The following EXOC6 variants were observed in gnomAD, a reference collection of about 807,000 sequenced individuals.
EXOC6 encodes the protein exocyst complex component 6.
A neutral mutation model predicts 112.5 loss-of-function variants in EXOC6; 60 were observed. The observed-to-expected ratio is 0.53, with a 90% CI of 0.43 to 0.66. The LOEUF (loss-of-function observed/expected upper bound fraction) is 0.66. Ranked by LOEUF, EXOC6 falls within the 30% of genes least tolerant of loss-of-function variation. The probability of loss-of-function intolerance (pLI) is 0.00; values close to 1 mark genes in which losing one functional copy is unlikely to be tolerated. For missense variants in EXOC6, 855 were observed against 957.1 expected (o/e 0.89, Z 1.41); for synonymous variants, 295 against 308.0 (o/e 0.96, Z 0.44).
intron 6 of EXOC6, among the ~76,000 whole-genome samples, chr10:92,914,993 T>C (rs752109301): frequency 5.9e-5 from 9 of 152,274 alleles, no homozygotes; most frequent in Non-Finnish European, 1.3e-4. Flanking sequence ...CTTTTTATTC[T>C]GTGTAAATGT....
intron 18 of EXOC6, among the ~76,000 whole-genome samples, chr10:92,974,986 A>AC (rs777568974): frequency 1.5e-4 from 22 of 151,072 alleles, no homozygotes; most frequent in Non-Finnish European, 2.8e-4. Flanking sequence ...CCCGGCCGCC[A>AC]CCCCGTCTGG....
At chr10:92,862,737 C>T (rs1031047332) in intron 1 of EXOC6, among the ~76,000 whole-genome samples, 32 of 152,162 alleles carry the variant, frequency 2.1e-4, no homozygotes, top group Admixed American at 6.5e-5. Flanking sequence ...GAATAATTCT[C>T]ATTATATAGA....
At chr10:92,996,394 G>C (rs1322137784) in intron 18 of EXOC6, among the ~76,000 whole-genome samples, 2 of 152,118 alleles carry the variant, frequency 1.3e-5, no homozygotes, top group Admixed American at 6.5e-5. Context: ...GCCAAGGCGG[G>C]CGGATCACAA....
In EXOC6 at chr10:92,978,080, C is replaced by A. The variant is rs139695255; in HGVS notation, c.1953+3848C>A. Reference sequence around the variant, plus strand: ...ATTCAACAATAAATACAAGGTACAACCATATAAAAAGAAAATAATAGTTTA... The same window carrying A: ...ATTCAACAATAAATACAAGGTACAAACATATAAAAAGAAAATAATAGTTTA... On this transcript the variant is annotated intron_variant, in intron 18 of 21. Coordinates refer to ENST00000260762, the MANE Select transcript of EXOC6 (RefSeq NM_019053.6). Among the ~76,000 whole-genome samples, 552 of 152,006 alleles carry A rather than the reference C, an allele frequency of 3.6e-3. 3 individuals are homozygous for A. The highest frequency in any genetic ancestry group is 0.013 in the African/African-American group (525 of 41,466).
At position 93,058,375 on chromosome 10, in the gene EXOC6, C is replaced by G. The variant is rs771801413; in HGVS notation, c.*20C>G. Reference sequence around the variant, plus strand: ...ATGTAGACCTCACATGGCTTGCACTCAGTGACACCAAATCCATGATTCAAT... The same window carrying G: ...ATGTAGACCTCACATGGCTTGCACTGAGTGACACCAAATCCATGATTCAAT... On this transcript the variant is annotated 3_prime_UTR_variant, in exon 22 of 22. Coordinates refer to ENST00000260762, the MANE Select transcript of EXOC6 (RefSeq NM_019053.6). 3 of 1,568,064 alleles carry G rather than the reference C, an allele frequency of 1.9e-6. No homozygotes were observed. The East Asian group carries it at 7.0e-5, about 36-fold the overall frequency.
At chr10:92,859,180 C>T (rs571990192) in intron 1 of EXOC6, among the ~76,000 whole-genome samples, 1 of 152,232 alleles carries the variant, frequency 6.6e-6, no homozygotes, top group Admixed American at 6.5e-5. Flanking sequence ...TAGCAACTCT[C>T]GATGCTGATT....
chr10:92,911,623 A>G (rs1052261159), intron 6 of EXOC6, among the ~76,000 whole-genome samples: 1 of 152,168 alleles, frequency 6.6e-6, no homozygotes, highest in East Asian at 1.9e-4. Context: ...GGGAGAGAAT[A>G]GACTCTCTTG....
rs114650509 is a variant in EXOC6, at chr10:93,017,265, G to A, written c.2169+2998G>A. Among the ~76,000 whole-genome samples the A allele has an allele frequency of 8.9e-3, 1,355 of 152,178 alleles. 18 individuals carry two copies. The highest frequency in any genetic ancestry group is 0.031 in the African/African-American group (1,296 of 41,524). On this transcript the variant is annotated intron_variant, in intron 20 of 21. Transcript: ENST00000260762. Reference sequence around the variant, plus strand: ...TAATGGACTCCAGAGACTCAAAAGGGGGAGGGTGGGAGAAGGGATGAGAGA... The same window carrying A: ...TAATGGACTCCAGAGACTCAAAAGGAGGAGGGTGGGAGAAGGGATGAGAGA...
At chr10:93,049,600 A>G (rs1846183975) in intron 20 of EXOC6, among the ~76,000 whole-genome samples, 1 of 152,108 alleles carries the variant, frequency 6.6e-6, no homozygotes, top group South Asian at 2.1e-4. Flanking sequence ...GTTTTGTTTT[A>G]AATAGAGGCA....
intron 1 of EXOC6, among the ~76,000 whole-genome samples, chr10:92,882,786 A>G (rs1013061796): frequency 6.6e-6 from 1 of 152,086 alleles, no homozygotes; most frequent in Non-Finnish European, 1.5e-5. Context: ...CTCACTTCAG[A>G]CTCTAACTTC....
intron 1 of EXOC6, among the ~76,000 whole-genome samples, chr10:92,872,687 C>T (rs1488949515): frequency 6.6e-6 from 1 of 151,972 alleles, no homozygotes; most frequent in Non-Finnish European, 1.5e-5. Flanking sequence ...AATGTTACAT[C>T]TTTATTTTGA....
At chr10:93,053,876 A>C (rs947130786) in intron 20 of EXOC6, among the ~76,000 whole-genome samples, 2 of 152,232 alleles carry the variant, frequency 1.3e-5, no homozygotes, top group Non-Finnish European at 2.9e-5. Context: ...TGAAAATGAT[A>C]AATGAGAATA....
At chr10:93,055,131 C>T (rs1011285418) in intron 20 of EXOC6, among the ~76,000 whole-genome samples, 1 of 152,158 alleles carries the variant, frequency 6.6e-6, no homozygotes, top group African/African-American at 2.4e-5. Flanking sequence ...GAACACACCA[C>T]CATGCCCAGC....
At chr10:92,869,427 G>C (rs1848334039) in intron 1 of EXOC6, among the ~76,000 whole-genome samples, 1 of 152,048 alleles carries the variant, frequency 6.6e-6, no homozygotes. Flanking sequence ...TCTCATTTCA[G>C]CCTCCTGAGT....
chr10:92,827,580 G>T (rs747777136), intron 1 of EXOC6, among the ~76,000 whole-genome samples: 1 of 147,478 alleles, frequency 6.8e-6, no homozygotes, highest in Non-Finnish European at 1.5e-5. Flanking sequence ...CTGTCTTTCA[G>T]CTTACACTAT....
intron 17 of EXOC6, among the ~76,000 whole-genome samples, chr10:92,956,172 T>A (rs1002644212): frequency 3.3e-5 from 5 of 152,140 alleles, no homozygotes; most frequent in Non-Finnish European, 7.4e-5. Context: ...AGATTTCTGT[T>A]TGAATAATAT....
chr10:92,885,350 G>A (rs1849159887), intron 1 of EXOC6, among the ~76,000 whole-genome samples: 1 of 149,332 alleles, frequency 6.7e-6, no homozygotes, highest in South Asian at 2.1e-4. Context: ...AGCCATATTT[G>A]TTCTCTGTTC....
At chr10:92,957,557 TCTG>T (rs762864557) in intron 17 of EXOC6, among the ~76,000 whole-genome samples, 5 of 152,226 alleles carry the variant, frequency 3.3e-5, no homozygotes, top group Non-Finnish European at 5.9e-5. Context: ...GAAATCAAGT[TCTG>T]CTCTGTAAAT....
intron 4 of EXOC6, among the ~76,000 whole-genome samples, chr10:92,899,251 G>C (rs1395393845): frequency 2.0e-5 from 3 of 152,098 alleles, no homozygotes; most frequent in African/African-American, 7.2e-5. Flanking sequence ...TAAAGTTCCA[G>C]TTCTATTTCA....
Sources: allele counts gnomAD v4.1 joint callset (sites outside exome capture counted in the v4.1 genomes callset), GRCh38; gene constraint gnomAD v4.1.1; transcripts MANE v1.5; gene names NCBI Gene and HGNC (gene_info 2026-07-23, HGNC 2026-07-21).